Variants in DGKI observed in about 807,000 individuals in gnomAD.
The protein encoded by DGKI is diacylglycerol kinase iota.
In DGKI, 55 loss-of-function variants were observed where a neutral mutation model predicts 147.5. The ratio of observed to expected loss-of-function variants is 0.37; its 90% CI spans 0.30 to 0.47. The LOEUF is 0.47. DGKI is among the 20% of genes least tolerant of loss of function. DGKI has a pLI of 1.00. For synonymous variants in DGKI, 469 were observed against 477.1 expected, an observed-to-expected ratio of 0.98 and a Z score of 0.22; for missense variants, 1,007 against 1,323.8, an observed-to-expected ratio of 0.76 and a Z score of 3.71.
intron 3 of DGKI, among the ~76,000 whole-genome samples, chr7:137,663,617 C>T (rs73454823): frequency 0.045 from 6,831 of 151,994 alleles, 498 homozygotes; most frequent in African/African-American, 0.16. Context: ...GAGGTTTGAA[C>T]GGTGTGTCTG....
At chr7:137,446,767 G>T (rs1488904404) in intron 27 of DGKI, among the ~76,000 whole-genome samples, 4 of 152,066 alleles carry the variant, frequency 2.6e-5, no homozygotes, top group Non-Finnish European at 4.4e-5. Context: ...GGGGAAAGAA[G>T]TTAGCTCAGG....
chr7:137,472,119 A>T (rs1814933666), intron 23 of DGKI, among the ~76,000 whole-genome samples: 2 of 116,342 alleles, frequency 1.7e-5, no homozygotes, highest in African/African-American at 7.5e-5. Flanking sequence ...ATATACATAT[A>T]AATATATATA....
At chr7:137,413,608 A>C (rs1812248108) in intron 28 of DGKI, among the ~76,000 whole-genome samples, 2 of 152,232 alleles carry the variant, frequency 1.3e-5, no homozygotes, top group African/African-American at 4.8e-5. Context: ...TACAAAGGAC[A>C]TGATTTCATT....
At chr7:137,544,682 G>T (rs864434) in intron 20 of DGKI, among the ~76,000 whole-genome samples, 24,702 of 151,920 alleles carry the variant, frequency 0.16, 3,152 homozygotes, top group African/African-American at 0.35. Flanking sequence ...ATTCTTTTAT[G>T]CACTCATTCC....
chr7:137,464,385 G>A (rs1402819136), intron 26 of DGKI, among the ~76,000 whole-genome samples: 2 of 151,948 alleles, frequency 1.3e-5, no homozygotes, highest in Non-Finnish European at 1.5e-5. Flanking sequence ...GGTGGGGTAG[G>A]AGGACACCCA....
chr7:137,409,302 A>G (rs1338958388), intron 29 of DGKI, among the ~76,000 whole-genome samples: 1 of 152,236 alleles, frequency 6.6e-6, no homozygotes, highest in Non-Finnish European at 1.5e-5. Flanking sequence ...ATACATCCAT[A>G]GAATTGTCAT....
chr7:137,636,520 T>C (rs1004339393), intron 6 of DGKI, among the ~76,000 whole-genome samples: 2 of 152,160 alleles, frequency 1.3e-5, no homozygotes, highest in Non-Finnish European at 2.9e-5. Context: ...CCCAGATAAC[T>C]CTGCTTCAGG....
intron 1 of DGKI, among the ~76,000 whole-genome samples, chr7:137,822,488 C>G (rs1797934101): frequency 6.6e-6 from 1 of 152,052 alleles, no homozygotes; most frequent in Admixed American, 6.6e-5. Flanking sequence ...GAGGATTCTT[C>G]TCTGAGAAAA....
chr7:137,633,963 G>A (rs990100865), intron 6 of DGKI, among the ~76,000 whole-genome samples: 11 of 152,176 alleles, frequency 7.2e-5, no homozygotes, highest in Admixed American at 2.6e-4. Flanking sequence ...AGCAAGAAGT[G>A]GAAGGTACAT....
intron 13 of DGKI, 121 bp downstream of exon 13, chr7:137,586,976 C>G: frequency 1.3e-5 from 9 of 702,792 alleles, no homozygotes; most frequent in Non-Finnish European, 2.0e-5. Context: ...CTTTGATTCT[C>G]AACTCTAACT....
chr7:137,731,750 T>A (rs1247301940), intron 1 of DGKI, among the ~76,000 whole-genome samples: 3 of 152,052 alleles, frequency 2.0e-5, no homozygotes, highest in Non-Finnish European at 4.4e-5. Context: ...CGCCACTGAA[T>A]AGACATAACC....
In DGKI at chr7:137,621,526, A is replaced by T. The variant is rs899474640; in HGVS notation, c.877-1586T>A. Among the ~76,000 whole-genome samples the T allele has an allele frequency of 2.2e-4, 33 of 152,314 alleles. 1 individual carries two copies. The highest frequency in any genetic ancestry group is 7.9e-4 in the African/African-American group (33 of 41,566). ...GGTCACATATTTATTTGCTTGTCTG[A>T]CATCAAATATCCTAGAAGGGGTTCA... On this transcript the variant is annotated intron_variant, in intron 7 of 32. Coordinates refer to ENST00000614521, the MANE Select transcript of DGKI (RefSeq NM_001321708.2).
chr7:137,767,471 GGAAGA>G (rs71177920), intron 1 of DGKI, among the ~76,000 whole-genome samples: 12,045 of 89,474 alleles, frequency 0.13, 752 homozygotes, highest in Middle Eastern at 0.17. Context: ...AGAAGAGAAG[GGAAGA>G]GAAGAGAAGA....
intron 5 of DGKI, among the ~76,000 whole-genome samples, chr7:137,653,938 T>C (rs1471390539): frequency 2.0e-5 from 3 of 152,296 alleles, no homozygotes; most frequent in South Asian, 2.1e-4. Context: ...GTTTCACTGA[T>C]TAGGGAGTGC....
intron 12 of DGKI, among the ~76,000 whole-genome samples, chr7:137,589,296 T>C (rs563006760): frequency 6.6e-6 from 1 of 152,346 alleles, no homozygotes; most frequent in South Asian, 2.1e-4. Context: ...CTTACCAGGA[T>C]GTAAAACTTG....
intron 1 of DGKI, among the ~76,000 whole-genome samples, chr7:137,831,279 G>C (rs1325736575): frequency 6.6e-6 from 1 of 152,188 alleles, no homozygotes; most frequent in Admixed American, 6.5e-5. Flanking sequence ...ATGTTGGATA[G>C]TTCACAATGA....
chr7:137,519,410 C>A (rs912557266), intron 21 of DGKI, among the ~76,000 whole-genome samples: 2 of 152,008 alleles, frequency 1.3e-5, no homozygotes, highest in African/African-American at 4.8e-5. Context: ...TATCACTTGG[C>A]ACACCATCAA....
At chr7:137,820,803 G>A in intron 1 of DGKI, among the ~76,000 whole-genome samples, 1 of 152,140 alleles carries the variant, frequency 6.6e-6, no homozygotes. Context: ...AACTCTGGAG[G>A]TGGGGCTGTG....
chr7:137,586,722 A>G (rs1172844521), intron 13 of DGKI, among the ~76,000 whole-genome samples: 1 of 152,294 alleles, frequency 6.6e-6, no homozygotes. Context: ...TAAGGTGTGT[A>G]AAGTTGAACC....
Sources: allele counts gnomAD v4.1 joint callset (sites outside exome capture counted in the v4.1 genomes callset), GRCh38; gene constraint gnomAD v4.1.1; transcripts MANE v1.5; gene names NCBI Gene and HGNC (gene_info 2026-07-23, HGNC 2026-07-21).